The following SCNN1D variants were observed in gnomAD, a reference collection of about 807,000 sequenced individuals.
SCNN1D encodes epithelial sodium channel subunit delta.
SCNN1D carries 104 observed loss-of-function variants against 87.8 expected under a neutral mutation model. The ratio of observed to expected loss-of-function variants is 1.18; its 90% CI spans 1.01 to 1.39. SCNN1D has a LOEUF of 1.39. SCNN1D is among the 40% of genes most tolerant of loss of function. SCNN1D has a pLI of 0.00. For synonymous variants in SCNN1D, 628 were observed against 481.2 expected, an observed-to-expected ratio of 1.31 and a Z score of -3.99; for missense variants, 1,324 against 1,093.9, an observed-to-expected ratio of 1.21 and a Z score of -2.97.
At chr1:1,282,037 G>A in intron 3 of SCNN1D, 1 of 600,056 alleles carries the variant, frequency 1.7e-6, no homozygotes, top group Non-Finnish European at 3.0e-6. Context: ...AAGCTGCCCA[G>A]ATGTGGTGGG....
At chr1:1,280,959 T>G in intron 1 of SCNN1D, 4 of 589,792 alleles carry the variant, frequency 6.8e-6, no homozygotes, top group South Asian at 6.2e-5. Flanking sequence ...GACAGTGCAG[T>G]TGATGCCCGG....
chr1:1,284,759 C>A (rs1640552409), intron 5 of SCNN1D, among the ~76,000 whole-genome samples: 1 of 152,080 alleles, frequency 6.6e-6, no homozygotes, highest in Admixed American at 6.5e-5. Context: ...TGGCACGACG[C>A]AGATCCAGAC....
chr1:1,283,290 G>C (rs1408118444), intron 4 of SCNN1D, among the ~76,000 whole-genome samples: 1 of 152,212 alleles, frequency 6.6e-6, no homozygotes, highest in Non-Finnish European at 1.5e-5. Flanking sequence ...GGTCCCGAGA[G>C]ACACTGGATC....
intron 8 of SCNN1D, 55 bp from the exon 9 acceptor site, chr1:1,287,054 G>C: frequency 6.3e-7 from 1 of 1,576,594 alleles, no homozygotes; most frequent in Admixed American, 1.7e-5. Flanking sequence ...TACCTCGAGT[G>C]GGGAGCGGGG....
At position 1,291,060 on chromosome 1, in the gene SCNN1D, C is replaced by T. The variant is rs962947050; in HGVS notation, c.1977-5C>T. 2 of 1,611,716 alleles carry T rather than the reference C, an allele frequency of 1.2e-6. No homozygotes were observed. The highest frequency in any genetic ancestry group is 1.7e-6 in the Non-Finnish European group (2 of 1,179,488). On this transcript the variant is annotated splice_polypyrimidine_tract_variant and splice_region_variant and intron_variant, in intron 16 of 17. Transcript: ENST00000379116. ...CAGCGCCCTCATGCCTCTATCCTGC[C>T]CCAGGAGCAGCCTGGCCAAAATCAA...
intron 9 of SCNN1D, 58 bp from the exon 10 acceptor site, chr1:1,287,450 C>T: frequency 1.3e-6 from 2 of 1,493,010 alleles, no homozygotes; most frequent in Non-Finnish European, 9.0e-7. Flanking sequence ...CCCCTCAGGC[C>T]AGCGTGACGG....
In SCNN1D at chr1:1,284,086, TC is replaced by T; in HGVS notation, c.462del (p.Arg155AspfsTer14). On this transcript the variant is annotated frameshift_variant, in exon 5 of 18. Coordinates refer to ENST00000379116, the MANE Select transcript of SCNN1D (RefSeq NM_001130413.4). LOFTEE classifies it high-confidence loss of function. The part of the protein sequence containing the change: ...WKQPHGGALT[S>X]RSPGPVAPQR... The stretch of plus-strand genomic sequence containing the variant: ...GCAGCCACACGGGGGGGCTCTCACC[TC>T]CAGGTACCGTGGGGGGGGGTGAGGG... 1.5e-6 allele frequency: 1 copy of T among 651,140 alleles called. No homozygotes were observed. Among genetic ancestry groups the T allele is most frequent in the Non-Finnish European group, 1.8e-6 (1 of 551,674 alleles). The allele number at this position is 651,140 out of a possible 1,614,324, so 40.3% of individuals were successfully genotyped here. A position where few individuals can be genotyped will look rare whatever the true frequency, so the allele number is the denominator to read the frequency against.
chr1:1,281,379 A>G, intron 2 of SCNN1D, 32 bp from the exon 3 acceptor site: 1 of 1,529,748 alleles, frequency 6.5e-7, no homozygotes. Flanking sequence ...AAAGGGAGCC[A>G]GGGATGCCTG....
intron 5 of SCNN1D, among the ~76,000 whole-genome samples, 181 bp from the exon 6 acceptor site, chr1:1,285,390 G>A (rs368143250): frequency 4.2e-4 from 64 of 152,336 alleles, no homozygotes; most frequent in Admixed American, 1.2e-3. Flanking sequence ...AGTGCCGAGC[G>A]GTGTCCAGGC....
rs1336200813 is a variant in SCNN1D, at chr1:1,286,309, G to A, written c.911+31G>A. The A allele has an allele frequency of 2.0e-6, 3 of 1,483,824 alleles. No homozygotes were observed. In the African/African-American group the frequency reaches 4.1e-5, roughly 21 times the overall value. The allele number at this position is 1,483,824 out of a possible 1,614,324, so 91.9% of individuals were successfully genotyped here. On this transcript the variant is annotated intron_variant, in intron 7 of 17. Coordinates refer to ENST00000379116, the MANE Select transcript of SCNN1D (RefSeq NM_001130413.4). Reference sequence around the variant, plus strand: ...GGCCAGGGCTGTCGGCGGGAGGGGTGGCCGCCCCAGCTCCTTGCCCCTGTG... The same window carrying A: ...GGCCAGGGCTGTCGGCGGGAGGGGTAGCCGCCCCAGCTCCTTGCCCCTGTG...
At chr1:1,282,020 A>G (rs1289598280) in intron 3 of SCNN1D, 1 of 591,986 alleles carries the variant, frequency 1.7e-6, no homozygotes, top group African/African-American at 1.9e-5. Flanking sequence ...GGTGCGGCCC[A>G]CGCACAAAGC....
At chr1:1,282,568 G>A (rs954769836) in intron 4 of SCNN1D, among the ~76,000 whole-genome samples, 3 of 149,716 alleles carry the variant, frequency 2.0e-5, no homozygotes, top group Admixed American at 6.7e-5. Flanking sequence ...CCACACAACC[G>A]CACTGGGGCT....
chr1:1,285,950 C>T lies in SCNN1D; in HGVS notation c.583C>T (p.Pro195Ser). Residue 195 changes from proline to serine, a missense_variant, in exon 7 of 18, where the codon CCG becomes TCG. By Grantham distance (74) the Pro-to-Ser change is moderately conservative. Coordinates refer to ENST00000379116, the MANE Select transcript of SCNN1D (RefSeq NM_001130413.4). The part of the protein sequence containing the change: ...GQAAAQTPPR[P>S]GPPSAPPPPP... The stretch of plus-strand genomic sequence containing the variant: ...GGCTGCAGCCCAGACGCCCCCCAGG[C>T]CGGGGCCACCATCAGCACCACCACC... The T allele has an allele frequency of 6.4e-7, 1 of 1,554,794 alleles. No homozygotes were observed. Among genetic ancestry groups the T allele is most frequent in the East Asian group, 2.4e-5 (1 of 41,902 alleles).
chr1:1,286,883 C>T lies in SCNN1D; in HGVS notation c.1027C>T (p.Pro343Ser), dbSNP rs1391452543. ...CAGAGCCGCCCTCTCCGCCACTGTC[C>T]CCCGCCACGAGCCCCCCTTCCACCT... ...KGRAALSATV[P>S]RHEPPFHLDR... Residue 343 changes from proline to serine, a missense_variant, in exon 8 of 18, where the codon CCC becomes TCC. By Grantham distance (74) the Pro-to-Ser change is moderately conservative. Coordinates refer to ENST00000379116, the MANE Select transcript of SCNN1D (RefSeq NM_001130413.4). 1 of 1,612,500 alleles carries T rather than the reference C, an allele frequency of 6.2e-7. No homozygotes were observed. Among genetic ancestry groups the T allele is most frequent in the South Asian group, 1.1e-5 (1 of 91,060 alleles).
rs912444260 is a variant in SCNN1D, at chr1:1,286,864, C to T, written c.1008C>T (p.Ala336=). 2.9e-5 allele frequency: 46 copies of T among 1,612,404 alleles called. No individual in the cohort carries two copies. Among genetic ancestry groups the T allele is most frequent in the Non-Finnish European group, 3.6e-5 (43 of 1,179,802 alleles). The change falls in exon 8 of 18, where the codon GCC becomes GCT. Residue 336 remains alanine (A), a synonymous_variant. Coordinates refer to ENST00000379116, the MANE Select transcript of SCNN1D (RefSeq NM_001130413.4). The part of the protein sequence containing the change: ...LYNVNLSKGR[A]ALSATVPRHE... ...ACGTCAACCTCAGCAAAGGCAGAGCCGCCCTCTCCGCCACTGTCCCCCGCC... is the reference window on the plus strand; with the variant it reads ...ACGTCAACCTCAGCAAAGGCAGAGCTGCCCTCTCCGCCACTGTCCCCCGCC...
rs1463345843 is a variant in SCNN1D at position 1,286,866 on chromosome 1, C to T, written c.1010C>T (p.Ala337Val). 1 of 1,612,560 alleles carries T rather than the reference C, an allele frequency of 6.2e-7. No homozygotes were observed. Among genetic ancestry groups the T allele is most frequent in the African/African-American group, 1.3e-5 (1 of 75,026 alleles). ...GTCAACCTCAGCAAAGGCAGAGCCGCCCTCTCCGCCACTGTCCCCCGCCAC... is the reference window on the plus strand; with the variant it reads ...GTCAACCTCAGCAAAGGCAGAGCCGTCCTCTCCGCCACTGTCCCCCGCCAC... ...YNVNLSKGRA[A>V]LSATVPRHEP... The change falls in exon 8 of 18, where the codon GCC (alanine) becomes GTC (valine). Residue 337 changes from alanine (A) to valine (V), a missense_variant. Physicochemically the swap from Ala to Val is moderately conservative, Grantham distance 64. Coordinates refer to ENST00000379116, the MANE Select transcript of SCNN1D (RefSeq NM_001130413.4).
At chr1:1,284,807 C>CG (rs1445070897) in intron 5 of SCNN1D, among the ~76,000 whole-genome samples, 1 of 152,094 alleles carries the variant, frequency 6.6e-6, no homozygotes, top group Non-Finnish European at 1.5e-5. Flanking sequence ...CTCACACACA[C>CG]GCGCACATGC....
chr1:1,287,931 C>T lies in SCNN1D; in HGVS notation c.1564-8C>T, dbSNP rs1325932009. On this transcript the variant is annotated splice_polypyrimidine_tract_variant and splice_region_variant and intron_variant, in intron 11 of 17. Transcript: ENST00000379116. ...CAGGGCCCATGGAACTGAAGCGTCC[C>T]CTCCCAGGACGAGGTGCACCGGCTC... is the stretch of plus-strand genomic sequence containing the variant. The T allele has an allele frequency of 1.9e-6, 3 of 1,539,044 alleles. No homozygotes were observed. Among genetic ancestry groups the T allele is most frequent in the Admixed American group, 2.0e-5 (1 of 50,306 alleles).
chr1:1,291,442 C>T lies in SCNN1D; in HGVS notation c.2241C>T (p.Ser747=), dbSNP rs1640815014. ...PRASPASGAS[S]IKPEASQMPP... is the part of the protein sequence containing the mutation. ...CCAGCCCTGCCTCAGGGGCGTCCAG[C>T]ATCAAGCCAGAGGCCAGTCAGATGC... The change falls in exon 18 of 18, where the codon AGC becomes AGT. Residue 747 remains serine, a synonymous_variant. Coordinates refer to ENST00000379116, the MANE Select transcript of SCNN1D (RefSeq NM_001130413.4). 6.2e-7 allele frequency: 1 copy of T among 1,607,682 alleles called. No individual in the cohort carries two copies. The highest frequency in any genetic ancestry group is 8.5e-7 in the Non-Finnish European group (1 of 1,177,346).
Sources: gnomAD v4.1 joint callset for allele counts (sites outside exome capture counted in the v4.1 genomes callset) on GRCh38, gnomAD v4.1.1 for gene constraint, MANE v1.5 for transcripts, NCBI Gene and HGNC (gene_info 2026-07-23, HGNC 2026-07-21) for gene names.